JAK1: variants seen among roughly 807,000 people sequenced by gnomAD.
JAK1 encodes tyrosine-protein kinase JAK1.
In JAK1, 16 loss-of-function variants were observed where a neutral mutation model predicts 136.6. The observed-to-expected ratio is 0.12, with a 90% CI of 0.08 to 0.18. JAK1 has a LOEUF of 0.18. Among genes scored for constraint, JAK1 ranks in the 10% least tolerant of loss-of-function variants. The probability of loss-of-function intolerance (pLI) is 1.00; values close to 1 mark genes in which losing one functional copy is unlikely to be tolerated. For missense variants in JAK1, 859 were observed against 1,450.1 expected, an observed-to-expected ratio of 0.59 and a Z score of 6.62; for synonymous variants, 492 against 519.5, an observed-to-expected ratio of 0.95 and a Z score of 0.72.
intron 1 of JAK1, among the ~76,000 whole-genome samples, chr1:64,965,016 T>G (rs1439047463): frequency 6.6e-6 from 1 of 152,136 alleles, no homozygotes; most frequent in African/African-American, 2.4e-5. Flanking sequence ...AATGGGGTTT[T>G]GGAAAGGGAA....
chr1:64,928,793 A>AAAAAAAC (rs1645634260), intron 1 of JAK1, among the ~76,000 whole-genome samples: 1 of 124,676 alleles, frequency 8.0e-6, no homozygotes, highest in Non-Finnish European at 1.6e-5. Context: ...AAAAAAAAAA[A>AAAAAAAC]AAACAAAAAA....
At chr1:64,929,384 G>A (rs533084300) in intron 1 of JAK1, among the ~76,000 whole-genome samples, 1 of 152,300 alleles carries the variant, frequency 6.6e-6, no homozygotes, top group African/African-American at 2.4e-5. Flanking sequence ...AGAGTATCCT[G>A]AAATTGCAAG....
intron 2 of JAK1, among the ~76,000 whole-genome samples, chr1:65,033,817 C>T (rs1647046846): frequency 6.6e-6 from 1 of 151,714 alleles, no homozygotes; most frequent in Admixed American, 6.6e-5. Flanking sequence ...GAATCCATCA[C>T]TCCTGCAGTT....
chr1:64,923,831 ACC>A (rs1392874632), intron 1 of JAK1, among the ~76,000 whole-genome samples: 1 of 151,952 alleles, frequency 6.6e-6, no homozygotes, highest in Non-Finnish European at 1.5e-5. Context: ...AACGCCTCCC[ACC>A]CCGACTCCTG....
intron 1 of JAK1, among the ~76,000 whole-genome samples, chr1:64,902,954 C>T (rs144091180): frequency 6.6e-5 from 10 of 152,244 alleles, no homozygotes; most frequent in Non-Finnish European, 8.8e-5. Context: ...CCCTGGAGAC[C>T]ACTGTAAGGT....
chr1:65,048,246 T>C (rs568305062), intron 1 of JAK1, among the ~76,000 whole-genome samples: 3 of 152,210 alleles, frequency 2.0e-5, no homozygotes, highest in African/African-American at 7.2e-5. Flanking sequence ...GTAAGTGACC[T>C]AGTTTTTCTA....
At chr1:64,835,928 T>C (rs2780815) in intron 23 of JAK1, among the ~76,000 whole-genome samples, 170 bp downstream of exon 23, 6 of 151,976 alleles carry the variant, frequency 3.9e-5, no homozygotes, top group Non-Finnish European at 5.9e-5. Flanking sequence ...AGCAAGACTT[T>C]AGAGATTCAC....
intron 1 of JAK1, among the ~76,000 whole-genome samples, chr1:65,066,115 G>A (rs1044536438): frequency 6.6e-6 from 1 of 152,160 alleles, no homozygotes; most frequent in African/African-American, 2.4e-5. Context: ...TGGTTTCTCA[G>A]CTCACCTCTC....
intron 2 of JAK1, among the ~76,000 whole-genome samples, chr1:65,035,651 T>G (rs1647065973): frequency 6.6e-6 from 1 of 152,242 alleles, no homozygotes; most frequent in Non-Finnish European, 1.5e-5. Flanking sequence ...AGAAGTGTGA[T>G]ATTTTCTATA....
chr1:64,932,546 G>A (rs1473965202), intron 1 of JAK1, among the ~76,000 whole-genome samples: 1 of 152,146 alleles, frequency 6.6e-6, no homozygotes, highest in South Asian at 2.1e-4. Context: ...TCCAACAAAC[G>A]TTTATTAAGC....
At chr1:64,977,613 A>G (rs1354798931) in intron 2 of JAK1, among the ~76,000 whole-genome samples, 1 of 151,668 alleles carries the variant, frequency 6.6e-6, no homozygotes, top group Non-Finnish European at 1.5e-5. Flanking sequence ...TGTGTTTTTA[A>G]TAGAGACGGG....
At chr1:64,872,562 C>T (rs1657136036) in intron 5 of JAK1, among the ~76,000 whole-genome samples, 1 of 152,186 alleles carries the variant, frequency 6.6e-6, no homozygotes, top group Non-Finnish European at 1.5e-5. Context: ...ACTTGATGTA[C>T]ATCTGATGCA....
intron 2 of JAK1, among the ~76,000 whole-genome samples, chr1:65,042,972 GT>G (rs1264871226): frequency 1.3e-5 from 2 of 152,170 alleles, no homozygotes; most frequent in Non-Finnish European, 2.9e-5. Context: ...CTTTCAAGGA[GT>G]TTGGTGTGGG....
At chr1:65,005,320 G>A (rs1023779824) in intron 2 of JAK1, among the ~76,000 whole-genome samples, 3 of 151,744 alleles carry the variant, frequency 2.0e-5, no homozygotes, top group African/African-American at 7.3e-5. Context: ...CTCTAGCTTG[G>A]GCAACAAGAG....
chr1:64,864,771 T>C lies in JAK1; in HGVS notation c.1176+16A>G, dbSNP rs1327494051. The C allele has an allele frequency of 6.3e-7, 1 of 1,598,948 alleles. No homozygotes were observed. Among genetic ancestry groups the C allele is most frequent in the Admixed American group, 1.7e-5 (1 of 59,206 alleles). ...ATCACCAGATCCAGACTTAAGAGCTTCTGGGACAAACTTACCATTTTCTTG... is the reference window on the plus strand; with the variant it reads ...ATCACCAGATCCAGACTTAAGAGCTCCTGGGACAAACTTACCATTTTCTTG... On this transcript the variant is annotated intron_variant, in intron 8 of 24. Transcript: ENST00000342505.
At chr1:64,911,741 C>G (rs1645289258) in intron 1 of JAK1, among the ~76,000 whole-genome samples, 1 of 152,164 alleles carries the variant, frequency 6.6e-6, no homozygotes, top group Non-Finnish European at 1.5e-5. Context: ...TTTCAAATGT[C>G]AGGAGAAAAT....
At chr1:64,879,235 G>T in intron 3 of JAK1, 87 bp from the exon 4 acceptor site, 1 of 1,479,278 alleles carries the variant, frequency 6.8e-7, no homozygotes, top group South Asian at 1.2e-5. Context: ...CAAAGATAAG[G>T]AACTCTCTCA....
intron 19 of JAK1, among the ~76,000 whole-genome samples, chr1:64,840,431 T>C (rs943263505): frequency 1.3e-5 from 2 of 152,150 alleles, no homozygotes; most frequent in African/African-American, 4.8e-5. Context: ...AAGACACAAA[T>C]CTCAGTAGCT....
chr1:64,837,882 G>C (rs1289596219), intron 22 of JAK1, 50 bp downstream of exon 22: 1 of 1,511,822 alleles, frequency 6.6e-7, no homozygotes, highest in African/African-American at 1.4e-5. Flanking sequence ...TATTAAAACA[G>C]TGTAAACTCT....
Sources: allele counts gnomAD v4.1 joint callset (sites outside exome capture counted in the v4.1 genomes callset), GRCh38; gene constraint gnomAD v4.1.1; transcripts MANE v1.5; gene names NCBI Gene and HGNC (gene_info 2026-07-23, HGNC 2026-07-21).